The following MBD5 variants were observed in gnomAD, a reference collection of about 807,000 sequenced individuals.
The protein encoded by MBD5 is methyl-CpG-binding domain protein 5.
A neutral mutation model predicts 117.3 loss-of-function variants in MBD5; 13 were observed. The ratio of observed to expected loss-of-function variants is 0.11; its 90% CI spans 0.07 to 0.18. The LOEUF (loss-of-function observed/expected upper bound fraction) is 0.18. MBD5 is among the 10% of genes least tolerant of loss of function. MBD5 has a pLI of 1.00. For missense variants in MBD5, 1,879 were observed against 2,093.8 expected, an observed-to-expected ratio of 0.90 and a Z score of 2.00; for synonymous variants, 727 against 766.4, an observed-to-expected ratio of 0.95 and a Z score of 0.85.
intron 2 of MBD5, among the ~76,000 whole-genome samples, chr2:148,201,302 G>T (rs1369205655): frequency 6.6e-6 from 1 of 152,130 alleles, no homozygotes; most frequent in Non-Finnish European, 1.5e-5. Context: ...CCTGGACCAG[G>T]TGTGTTGCAA....
intron 3 of MBD5, among the ~76,000 whole-genome samples, chr2:148,266,671 A>C (rs988429335): frequency 6.6e-6 from 1 of 152,118 alleles, no homozygotes; most frequent in African/African-American, 2.4e-5. Flanking sequence ...CAGTTTATAA[A>C]ATAATAACTC....
chr2:148,046,079 G>A lies in MBD5; in HGVS notation c.-925+24395G>A, dbSNP rs147203857. Among the ~76,000 whole-genome samples the A allele has an allele frequency of 3.4e-4, 49 of 145,162 alleles. No homozygotes were observed. The East Asian group carries it at 9.4e-3, about 28-fold the overall frequency. ...GCTCACCACAACCTCCGCCTCCCAG[G>A]TTCAAGTGATCCTCCTGCCTCAGCC... On this transcript the variant is annotated intron_variant, in intron 1 of 13. Coordinates refer to ENST00000642680, the MANE Select transcript of MBD5 (RefSeq NM_001378120.1).
At chr2:148,161,587 G>A (rs1288396151) in intron 1 of MBD5, among the ~76,000 whole-genome samples, 3 of 152,086 alleles carry the variant, frequency 2.0e-5, no homozygotes, top group Non-Finnish European at 2.9e-5. Flanking sequence ...CAGTAGGAGT[G>A]TAGCCGTTTA....
At chr2:148,302,919 C>G (rs1172407591) in intron 3 of MBD5, among the ~76,000 whole-genome samples, 1 of 150,554 alleles carries the variant, frequency 6.6e-6, no homozygotes, top group Non-Finnish European at 1.5e-5. Flanking sequence ...AAATGATATA[C>G]CACACTAAAG....
At chr2:148,230,063 G>T (rs565821048) in intron 2 of MBD5, among the ~76,000 whole-genome samples, 1 of 152,286 alleles carries the variant, frequency 6.6e-6, no homozygotes, top group African/African-American at 2.4e-5. Context: ...TTCAGCCTGT[G>T]TTCACTCAAG....
chr2:148,466,446 A>G (rs2105604658), intron 7 of MBD5, among the ~76,000 whole-genome samples: 1 of 152,276 alleles, frequency 6.6e-6, no homozygotes, highest in South Asian at 2.1e-4. Flanking sequence ...TAAAAATTCC[A>G]GTGTCTGTAT....
chr2:148,471,775 A>G (rs897201916), intron 8 of MBD5: 2 of 152,110 alleles, frequency 1.3e-5, no homozygotes, highest in Non-Finnish European at 2.9e-5. Context: ...TTCTTAGTTT[A>G]AAGAATCTCA....
At chr2:148,152,058 G>A (rs1447178580) in intron 1 of MBD5, among the ~76,000 whole-genome samples, 14 of 151,342 alleles carry the variant, frequency 9.3e-5, no homozygotes, top group Admixed American at 7.9e-4. Context: ...GATCTTTCCT[G>A]CTTTCTCTTG....
chr2:148,055,657 C>T (rs1573961766), intron 1 of MBD5: 2 of 152,340 alleles, frequency 1.3e-5, no homozygotes, highest in South Asian at 2.1e-4. Context: ...TGGTCTCGAT[C>T]TCCAGACCTC....
chr2:148,453,326 T>G (rs1188144099), intron 4 of MBD5, among the ~76,000 whole-genome samples: 1 of 152,104 alleles, frequency 6.6e-6, no homozygotes, highest in Non-Finnish European at 1.5e-5. Context: ...AAAAGCCATT[T>G]CCAGAGACTA....
intron 1 of MBD5, among the ~76,000 whole-genome samples, chr2:148,092,802 A>G (rs1275586702): frequency 1.1e-5 from 1 of 92,804 alleles, no homozygotes; most frequent in Non-Finnish European, 2.2e-5. Flanking sequence ...TTCCCCCAAA[A>G]CTTTTGAAAT....
chr2:148,325,247 T>C (rs1198762834), intron 3 of MBD5, among the ~76,000 whole-genome samples: 1 of 152,254 alleles, frequency 6.6e-6, no homozygotes, highest in Non-Finnish European at 1.5e-5. Flanking sequence ...CAGTATTTTA[T>C]TGAGGATTTT....
At position 148,513,215 on chromosome 2, in the gene MBD5, G is replaced by GTTT. The variant is rs1406045623; in HGVS notation, c.*274_*275insTTT. 4.9e-6 allele frequency: 2 copies of GTTT among 412,144 alleles called. No homozygotes were observed. The highest frequency in any genetic ancestry group is 8.9e-6 in the Non-Finnish European group (2 of 225,528). The allele number at this position is 412,144 out of a possible 1,614,324, so 25.5% of individuals were successfully genotyped here. A position where few individuals can be genotyped will look rare whatever the true frequency, so the allele number is the denominator to read the frequency against. On this transcript the variant is annotated 3_prime_UTR_variant, in exon 14 of 14. Coordinates refer to ENST00000642680, the MANE Select transcript of MBD5 (RefSeq NM_001378120.1). The stretch of plus-strand genomic sequence containing the variant: ...CTCTTTTTCTATAATACTAAATTGT[G>GTTT]ATTATAAGAAATAGTCCAAATGTTT...
intron 3 of MBD5, among the ~76,000 whole-genome samples, chr2:148,336,274 T>TA (rs1336700803): frequency 3.3e-5 from 5 of 152,218 alleles, no homozygotes; most frequent in African/African-American, 1.2e-4. Flanking sequence ...CCCCCACCAA[T>TA]AACATTTCCA....
chr2:148,364,787 G>A (rs974627817), intron 4 of MBD5, among the ~76,000 whole-genome samples: 2 of 152,144 alleles, frequency 1.3e-5, no homozygotes, highest in African/African-American at 4.8e-5. Flanking sequence ...AACAAGAAGA[G>A]CTAACTATCC....
intron 1 of MBD5, among the ~76,000 whole-genome samples, chr2:148,106,879 G>T (rs1378989476): frequency 6.6e-6 from 1 of 151,876 alleles, no homozygotes; most frequent in Admixed American, 6.5e-5. Context: ...TTTTAACAAT[G>T]TAATAAATAA....
chr2:148,462,791 A>G (rs1707132640), intron 6 of MBD5, 107 bp downstream of exon 6: 3 of 741,148 alleles, frequency 4.0e-6, no homozygotes, highest in East Asian at 2.7e-5. Flanking sequence ...CCAATCATAC[A>G]TTTTAATTCT....
chr2:148,155,138 G>A (rs1055837823), intron 1 of MBD5, among the ~76,000 whole-genome samples: 16 of 152,132 alleles, frequency 1.1e-4, no homozygotes, highest in African/African-American at 3.4e-4. Flanking sequence ...AAAAATGAGC[G>A]GGAAAGATTG....
intron 3 of MBD5, among the ~76,000 whole-genome samples, chr2:148,291,016 A>G (rs1296064974): frequency 6.6e-6 from 1 of 152,154 alleles, no homozygotes; most frequent in Non-Finnish European, 1.5e-5. Context: ...CTTTGTCAAT[A>G]CATGCTTTAT....
Sources: gnomAD v4.1 joint callset for allele counts (sites outside exome capture counted in the v4.1 genomes callset) on GRCh38, gnomAD v4.1.1 for gene constraint, MANE v1.5 for transcripts, NCBI Gene and HGNC (gene_info 2026-07-23, HGNC 2026-07-21) for gene names.